The following ARMC9 variants were observed in gnomAD, a reference collection of about 807,000 sequenced individuals.
ARMC9 encodes the protein lisH domain-containing protein ARMC9.
ARMC9 carries 94 observed loss-of-function variants against 107.0 expected under a neutral mutation model. The observed-to-expected ratio is 0.88, with a 90% CI of 0.74 to 1.04. The LOEUF (loss-of-function observed/expected upper bound fraction) is 1.04, where lower values mean the gene tolerates loss of function less well. Among genes scored for constraint, ARMC9 ranks in the 50% least tolerant of loss-of-function variants. The probability of loss-of-function intolerance (pLI) is 0.00; values close to 1 mark genes in which losing one functional copy is unlikely to be tolerated. For missense variants in ARMC9, 942 were observed against 1,030.1 expected, an observed-to-expected ratio of 0.91 and a Z score of 1.17; for synonymous variants, 380 against 396.9, an observed-to-expected ratio of 0.96 and a Z score of 0.51.
intron 9 of ARMC9, among the ~76,000 whole-genome samples, chr2:231,248,285 A>G (rs547220251): frequency 6.6e-6 from 1 of 152,108 alleles, no homozygotes. Flanking sequence ...TCTTGGCTTA[A>G]TGTCACATTT....
At chr2:231,337,509 G>A (rs1409105798) in intron 20 of ARMC9, among the ~76,000 whole-genome samples, 5 of 108,148 alleles carry the variant, frequency 4.6e-5, no homozygotes, top group Non-Finnish European at 8.8e-5. Flanking sequence ...TCGCTCTGTC[G>A]CCCAGGCTGG....
intron 18 of ARMC9, among the ~76,000 whole-genome samples, chr2:231,292,963 C>G (rs1431310143): frequency 2.0e-5 from 3 of 152,160 alleles, no homozygotes; most frequent in Non-Finnish European, 4.4e-5. Flanking sequence ...ATTTCAAGCT[C>G]CCAGTTGGGG....
intron 21 of ARMC9, among the ~76,000 whole-genome samples, chr2:231,352,793 A>C (rs991200049): frequency 6.6e-6 from 1 of 151,834 alleles, no homozygotes; most frequent in South Asian, 2.1e-4. Flanking sequence ...ATATATACAC[A>C]CAAAAGGTTA....
rs2045427051 is a variant in ARMC9, at chr2:231,358,376, T to C, written c.2132-2378T>C. 6.6e-6 allele frequency among the ~76,000 whole-genome samples: 1 copy of C among 151,922 alleles called. No individual in the cohort carries two copies. Among genetic ancestry groups the C allele is most frequent in the Non-Finnish European group, 1.5e-5 (1 of 67,990 alleles). On this transcript the variant is annotated intron_variant, in intron 22 of 24. Coordinates refer to ENST00000611582, the MANE Select transcript of ARMC9 (RefSeq NM_001352754.2). The surrounding 1 kb of genome is among the most constrained non-coding windows in gnomAD (Gnocchi z 4.5). ...ATTGATTGATTGATTGATTGATTGA[T>C]TGATTGTAGAGAGAGGTGTCTCTCT...
At chr2:231,305,097 AG>A in intron 19 of ARMC9, among the ~76,000 whole-genome samples, 1 of 152,272 alleles carries the variant, frequency 6.6e-6, no homozygotes, top group Non-Finnish European at 1.5e-5. Context: ...ACATTCCAAA[AG>A]ATGGGCCATA....
At chr2:231,200,626 T>C (rs1003096387) in intron 1 of ARMC9, among the ~76,000 whole-genome samples, 2 of 151,986 alleles carry the variant, frequency 1.3e-5, no homozygotes, top group Non-Finnish European at 2.9e-5. Flanking sequence ...GTGAGCCAGA[T>C]TGCACCTTTG....
intron 20 of ARMC9, among the ~76,000 whole-genome samples, chr2:231,342,392 G>A (rs376195419): frequency 2.0e-5 from 3 of 152,186 alleles, no homozygotes; most frequent in Admixed American, 6.5e-5. Flanking sequence ...TCTCGAATAC[G>A]TGACATGTTC....
intron 6 of ARMC9, among the ~76,000 whole-genome samples, chr2:231,224,373 G>A (rs1481447257): frequency 6.6e-6 from 1 of 152,178 alleles, no homozygotes; most frequent in Non-Finnish European, 1.5e-5. Context: ...AATCACCTGA[G>A]CCCAGGAAGT....
intron 5 of ARMC9, among the ~76,000 whole-genome samples, chr2:231,221,248 C>T (rs1426477225): frequency 6.6e-6 from 1 of 152,188 alleles, no homozygotes; most frequent in Non-Finnish European, 1.5e-5. Flanking sequence ...TCCATTGTCC[C>T]ATGGCCGTCT....
chr2:231,345,305 A>G lies in ARMC9; in HGVS notation c.1994+215A>G, dbSNP rs1029214096. On this transcript the variant is annotated intron_variant, in intron 21 of 24. Transcript: ENST00000611582. Reference sequence around the variant, plus strand: ...CCAGAAGGAGAAGTGGTTGGATTACAGGATCTCCAGGGCCACTTCAGAAGA... The same window carrying G: ...CCAGAAGGAGAAGTGGTTGGATTACGGGATCTCCAGGGCCACTTCAGAAGA... 1.8e-5 allele frequency: 15 copies of G among 819,820 alleles called. No homozygotes were observed. In the African/African-American group the frequency reaches 2.5e-4, roughly 14 times the overall value. The allele number at this position is 819,820 out of a possible 1,614,324, so 50.8% of individuals were successfully genotyped here. A position where few individuals can be genotyped will look rare whatever the true frequency, so the allele number is the denominator to read the frequency against.
chr2:231,330,034 T>C (rs2043614973), intron 19 of ARMC9, among the ~76,000 whole-genome samples: 1 of 152,182 alleles, frequency 6.6e-6, no homozygotes, highest in African/African-American at 2.4e-5. Context: ...ATTTCTTTTG[T>C]ACCTTAGTCT....
chr2:231,341,763 A>G (rs1313005993), intron 20 of ARMC9, among the ~76,000 whole-genome samples: 1 of 152,246 alleles, frequency 6.6e-6, no homozygotes, highest in Non-Finnish European at 1.5e-5. Context: ...AATTAGTAAG[A>G]AATTTTTTTT....
chr2:231,255,115 C>T lies in ARMC9; in HGVS notation c.880-1471C>T, dbSNP rs1225463725. ...TTCAAACAAGCACTACACACTGTATCTGCTTATATGTTTCTCAGATGTATT... is the reference window on the plus strand; with the variant it reads ...TTCAAACAAGCACTACACACTGTATTTGCTTATATGTTTCTCAGATGTATT... On this transcript the variant is annotated intron_variant, in intron 9 of 24. Coordinates refer to ENST00000611582, the MANE Select transcript of ARMC9 (RefSeq NM_001352754.2). The surrounding 1 kb of genome is among the most constrained non-coding windows in gnomAD (Gnocchi z 4.7). 1.3e-5 allele frequency among the ~76,000 whole-genome samples: 2 copies of T among 151,886 alleles called. No individual in the cohort carries two copies. Among genetic ancestry groups the T allele is most frequent in the Non-Finnish European group, 2.9e-5 (2 of 67,992 alleles).
chr2:231,211,980 C>T (rs1327839837), intron 3 of ARMC9, among the ~76,000 whole-genome samples: 1 of 151,790 alleles, frequency 6.6e-6, no homozygotes, highest in African/African-American at 2.4e-5. Flanking sequence ...ATGAAAAATG[C>T]CTGGGTTGAA....
intron 1 of ARMC9, 123 bp from the exon 2 acceptor site, chr2:231,206,075 C>G (rs1250834234): frequency 3.0e-6 from 2 of 672,136 alleles, no homozygotes; most frequent in Non-Finnish European, 5.3e-6. Flanking sequence ...CACGTATTCA[C>G]AGGTTCTGGG....
chr2:231,258,891 G>A, intron 10 of ARMC9, 100 bp from the exon 11 acceptor site: 1 of 1,107,336 alleles, frequency 9.0e-7, no homozygotes, highest in East Asian at 2.4e-5. Flanking sequence ...GGAGCCCATG[G>A]GAACAGCAGG....
At chr2:231,350,667 G>A (rs1339360609) in intron 21 of ARMC9, among the ~76,000 whole-genome samples, 1 of 151,602 alleles carries the variant, frequency 6.6e-6, no homozygotes, top group Non-Finnish European at 1.5e-5. Flanking sequence ...TATGTTCAAG[G>A]CAATGGTGGG....
intron 19 of ARMC9, among the ~76,000 whole-genome samples, chr2:231,327,834 G>C (rs995751257): frequency 6.6e-6 from 1 of 152,108 alleles, no homozygotes; most frequent in Non-Finnish European, 1.5e-5. Flanking sequence ...ACCCAGGCTG[G>C]AGTGCGGTGG....
At chr2:231,301,678 T>C (rs537675852) in intron 19 of ARMC9, among the ~76,000 whole-genome samples, 5 of 152,324 alleles carry the variant, frequency 3.3e-5, no homozygotes, top group African/African-American at 1.2e-4. Flanking sequence ...TTTTAAAATT[T>C]TTTTTAAGTT....
Sources: gnomAD v4.1 joint callset for allele counts (sites outside exome capture counted in the v4.1 genomes callset) on GRCh38, gnomAD v4.1.1 for gene constraint, Gnocchi (gnomAD v3.1) non-coding constraint, MANE v1.5 for transcripts, NCBI Gene and HGNC (gene_info 2026-07-23, HGNC 2026-07-21) for gene names.